PRKAG2: variants seen among roughly 807,000 people sequenced by gnomAD.
PRKAG2 encodes the protein 5'-AMP-activated protein kinase subunit gamma-2.
Under a neutral mutation model 69.6 loss-of-function variants are expected in PRKAG2, and 26 were observed. That is an observed-to-expected ratio of 0.37 (90% CI 0.27 to 0.52). PRKAG2 has a LOEUF of 0.52. Among genes scored for constraint, PRKAG2 ranks in the 20% least tolerant of loss-of-function variants. The pLI is 0.90. For synonymous variants in PRKAG2, 293 were observed against 285.0 expected, an observed-to-expected ratio of 1.03 and a Z score of -0.28; for missense variants, 557 against 740.0, an observed-to-expected ratio of 0.75 and a Z score of 2.87.
At chr7:151,794,546 G>T (rs1404427128) in intron 1 of PRKAG2, among the ~76,000 whole-genome samples, 2 of 152,388 alleles carry the variant, frequency 1.3e-5, no homozygotes, top group South Asian at 4.1e-4. Flanking sequence ...GCACACTGGG[G>T]CCTGATGATG....
intron 1 of PRKAG2, among the ~76,000 whole-genome samples, chr7:151,853,169 C>A (rs2079619503): frequency 6.6e-6 from 1 of 152,134 alleles, no homozygotes; most frequent in Admixed American, 6.6e-5. Context: ...ACGATTGTGA[C>A]AAGGCCAACA....
intron 4 of PRKAG2, among the ~76,000 whole-genome samples, chr7:151,661,858 G>A (rs1226793953): frequency 6.6e-6 from 1 of 152,160 alleles, no homozygotes; most frequent in East Asian, 1.9e-4. Flanking sequence ...GGGAACACTG[G>A]TATTAGGTTT....
chr7:151,612,910 G>A (rs1819206475), intron 5 of PRKAG2, among the ~76,000 whole-genome samples: 1 of 152,216 alleles, frequency 6.6e-6, no homozygotes, highest in East Asian at 1.9e-4. Context: ...CATTCGAGCA[G>A]TCCAGCCAGG....
intron 1 of PRKAG2, among the ~76,000 whole-genome samples, chr7:151,842,765 T>C (rs1586706381): frequency 6.6e-6 from 1 of 151,778 alleles, no homozygotes; most frequent in African/African-American, 2.4e-5. Context: ...TGGGTAGTGA[T>C]GGTAGGTAGT....
intron 5 of PRKAG2, among the ~76,000 whole-genome samples, chr7:151,629,909 G>C (rs1011515609): frequency 3.3e-5 from 5 of 152,166 alleles, no homozygotes; most frequent in Admixed American, 3.3e-4. Flanking sequence ...TGCTAAATAA[G>C]TGTGAGATTC....
chr7:151,643,072 C>G (rs960063825), intron 4 of PRKAG2, among the ~76,000 whole-genome samples: 8 of 152,322 alleles, frequency 5.3e-5, no homozygotes, highest in African/African-American at 1.9e-4. Context: ...TCGTTACAGT[C>G]TGAAATGCAT....
At chr7:151,628,855 C>T (rs73478092) in intron 5 of PRKAG2, among the ~76,000 whole-genome samples, 23,001 of 152,146 alleles carry the variant, frequency 0.15, 1,961 homozygotes, top group African/African-American at 0.22. Flanking sequence ...GCTGTGGTAG[C>T]AGGCACGGGG....
intron 5 of PRKAG2, among the ~76,000 whole-genome samples, chr7:151,625,022 C>G (rs923557297): frequency 3.3e-5 from 5 of 152,124 alleles, no homozygotes; most frequent in Non-Finnish European, 5.9e-5. Context: ...TCCCAGTGGC[C>G]TCAAGACCTG....
At chr7:151,856,790 G>A (rs2079789602) in intron 1 of PRKAG2, among the ~76,000 whole-genome samples, 1 of 152,180 alleles carries the variant, frequency 6.6e-6, no homozygotes, top group African/African-American at 2.4e-5. Flanking sequence ...GGCCGCCACA[G>A]GGAAGAGAAC....
chr7:151,797,766 G>A (rs539530929), intron 1 of PRKAG2, among the ~76,000 whole-genome samples: 1 of 152,312 alleles, frequency 6.6e-6, no homozygotes, highest in East Asian at 1.9e-4. Context: ...CAAGCATAGT[G>A]AATAGAGGAG....
chr7:151,709,723 G>T (rs187510824), intron 3 of PRKAG2, among the ~76,000 whole-genome samples: 2 of 152,360 alleles, frequency 1.3e-5, no homozygotes, highest in Non-Finnish European at 2.9e-5. Flanking sequence ...GTGACATTGC[G>T]TGACACTGAG....
At chr7:151,745,585 T>C (rs903478236) in intron 3 of PRKAG2, among the ~76,000 whole-genome samples, 22 of 152,106 alleles carry the variant, frequency 1.4e-4, no homozygotes, top group African/African-American at 5.3e-4. Flanking sequence ...AGAGGGTGAT[T>C]TTTTTGGCAG....
intron 4 of PRKAG2, among the ~76,000 whole-genome samples, chr7:151,646,174 G>C (rs948945209): frequency 2.6e-5 from 4 of 152,142 alleles, no homozygotes; most frequent in Admixed American, 6.5e-5. Context: ...ATGGCTGTGA[G>C]TCCTTTAAGT....
At chr7:151,816,145 G>A (rs1433874790) in intron 1 of PRKAG2, among the ~76,000 whole-genome samples, 1 of 152,140 alleles carries the variant, frequency 6.6e-6, no homozygotes, top group Non-Finnish European at 1.5e-5. Flanking sequence ...CTCTGTAGGG[G>A]TTGGAAGTCC....
intron 3 of PRKAG2, among the ~76,000 whole-genome samples, chr7:151,763,156 G>A (rs1586358610): frequency 6.6e-6 from 1 of 152,238 alleles, no homozygotes; most frequent in East Asian, 1.9e-4. Flanking sequence ...TAATTGTCGG[G>A]TGGGCTCGGA....
chr7:151,742,787 T>A (rs2073991309), intron 3 of PRKAG2, among the ~76,000 whole-genome samples: 1 of 152,142 alleles, frequency 6.6e-6, no homozygotes, highest in Admixed American at 6.5e-5. Flanking sequence ...CGAGGCCACT[T>A]CTAGGTGGCT....
At chr7:151,805,370 G>A (rs1246435876) in intron 1 of PRKAG2, among the ~76,000 whole-genome samples, 1 of 152,186 alleles carries the variant, frequency 6.6e-6, no homozygotes, top group African/African-American at 2.4e-5. Context: ...CCTCTAGGAT[G>A]TGCCAGGCTC....
chr7:151,782,380 A>AGGAGG (rs1563663670), intron 2 of PRKAG2, among the ~76,000 whole-genome samples: 1 of 61,736 alleles, frequency 1.6e-5, no homozygotes, highest in Non-Finnish European at 3.2e-5. Context: ...AGGGAAGGAA[A>AGGAGG]GAAGGAAGGA....
At chr7:151,855,474 C>CA (rs1563757646) in intron 1 of PRKAG2, among the ~76,000 whole-genome samples, 2 of 7,322 alleles carry the variant, frequency 2.7e-4, no homozygotes, top group Non-Finnish European at 5.0e-4. Context: ...ACACCATGCT[C>CA]CACACACCAC....
Sources: allele counts gnomAD v4.1 joint callset (sites outside exome capture counted in the v4.1 genomes callset), GRCh38; gene constraint gnomAD v4.1.1; transcripts MANE v1.5; gene names NCBI Gene and HGNC (gene_info 2026-07-23, HGNC 2026-07-21).